The following NTF3 variants were observed in gnomAD, a reference collection of about 807,000 sequenced individuals.
The protein encoded by NTF3 is neurotrophin-3.
NTF3 carries 8 observed loss-of-function variants against 26.3 expected under a neutral mutation model. The ratio of observed to expected loss-of-function variants is 0.30; its 90% CI spans 0.18 to 0.55. NTF3 has a LOEUF of 0.55. Ranked by LOEUF, NTF3 falls within the 20% of genes least tolerant of loss-of-function variation. The pLI, the probability that NTF3 is intolerant of heterozygous loss-of-function variation, is 0.93. For synonymous variants in NTF3, 154 were observed against 145.5 expected, an observed-to-expected ratio of 1.06 and a Z score of -0.42; for missense variants, 276 against 352.9, an observed-to-expected ratio of 0.78 and a Z score of 1.75.
At chr12:5,464,845 G>C (rs10849274) in intron 1 of NTF3, among the ~76,000 whole-genome samples, 2 of 152,016 alleles carry the variant, frequency 1.3e-5, no homozygotes, top group South Asian at 2.1e-4. Context: ...CCAGGGTTGG[G>C]GGGTAGAGAT....
upstream of NTF3, among the ~76,000 whole-genome samples, chr12:5,430,759 A>T (rs1591586487): frequency 6.6e-6 from 1 of 150,960 alleles, no homozygotes; most frequent in South Asian, 2.1e-4. Context: ...CTTATTAGAC[A>T]CCTCGAACGA....
rs1015755087 is a variant in NTF3 at position 5,433,823 on chromosome 12, A to T, written c.18+1481A>T. ...AGACTGTGCGCCTGTGGACTTGTTT[A>T]TGTGTGTGAAGAGGCGGGGGCGAGG... On this transcript the variant is annotated intron_variant, in intron 1 of 1. Transcript: ENST00000423158. This position sits in a 1 kb window ranked among gnomAD's most constrained non-coding sequence, Gnocchi z 4.6. Among the ~76,000 whole-genome samples the T allele has an allele frequency of 6.8e-6, 1 of 147,634 alleles. No individual in the cohort carries two copies. Among genetic ancestry groups the T allele is most frequent in the Non-Finnish European group, 1.5e-5 (1 of 66,978 alleles).
chr12:5,477,367 A>C (rs1940737941), intron 1 of NTF3, among the ~76,000 whole-genome samples: 1 of 152,252 alleles, frequency 6.6e-6, no homozygotes, highest in South Asian at 2.1e-4. Context: ...GAAAACCCAG[A>C]GTCGTTTCTT....
chr12:5,439,195 G>GGAT (rs1212322706), intron 1 of NTF3, among the ~76,000 whole-genome samples: 3 of 152,120 alleles, frequency 2.0e-5, no homozygotes, highest in Non-Finnish European at 4.4e-5. Context: ...TTAAGATGAT[G>GGAT]GATGATGATG....
At chr12:5,450,590 T>C (rs556075393) in intron 1 of NTF3, among the ~76,000 whole-genome samples, 310 of 152,326 alleles carry the variant, frequency 2.0e-3, no homozygotes, top group Non-Finnish European at 2.7e-3. Flanking sequence ...TTTGGCCTTC[T>C]TCATCTCAAA....
chr12:5,445,941 C>T (rs1335817982), intron 1 of NTF3, among the ~76,000 whole-genome samples: 1 of 152,170 alleles, frequency 6.6e-6, no homozygotes, highest in Admixed American at 6.5e-5. Context: ...GAGGATAAGA[C>T]AGGTTCTTAG....
At chr12:5,432,098 T>C (rs186403623), upstream of NTF3, 1,424 of 604,296 alleles carry the variant, frequency 2.4e-3, 8 homozygotes, top group Middle Eastern at 3.4e-3. Flanking sequence ...GCGCAGATTC[T>C]GTTCACGGGA....
In NTF3 at chr12:5,494,444, C is replaced by T; in HGVS notation, c.269C>T (p.Pro90Leu). ...CCCCGAGAGCCGGAGCGGGGAGGGC[C>T]CGCCAAGTCAGCATTCCAGCCGGTG... The part of the protein sequence containing the change: ...EAPREPERGG[P>L]AKSAFQPVIA... Residue 90 changes from proline to leucine, a missense_variant, in exon 2 of 2, where the codon CCC (proline) becomes CTC (leucine). This residue lies in a region of NTF3 where 221 missense variants were observed against 258.2 expected (regional missense o/e 0.86). Coordinates refer to ENST00000423158, the MANE Select transcript of NTF3 (RefSeq NM_001102654.2). The surrounding 1 kb of genome is among the most constrained non-coding windows in gnomAD (Gnocchi z 8.3). 1 of 1,613,548 alleles carries T rather than the reference C, an allele frequency of 6.2e-7. No homozygotes were observed. The highest frequency in any genetic ancestry group is 8.5e-7 in the Non-Finnish European group (1 of 1,180,010).
chr12:5,430,423 G>A (rs1173906538), upstream of NTF3, among the ~76,000 whole-genome samples: 2 of 151,950 alleles, frequency 1.3e-5, no homozygotes, highest in African/African-American at 2.4e-5. Flanking sequence ...ATTTTGGCAC[G>A]AGGGGAGCCA....
At chr12:5,453,648 A>T (rs905157487) in intron 1 of NTF3, among the ~76,000 whole-genome samples, 1 of 152,014 alleles carries the variant, frequency 6.6e-6, no homozygotes, top group African/African-American at 2.4e-5. Context: ...TAGTGAGAGG[A>T]TTTTCTTCTC....
chr12:5,463,769 G>A (rs1940552372), intron 1 of NTF3, among the ~76,000 whole-genome samples: 1 of 152,124 alleles, frequency 6.6e-6, no homozygotes, highest in African/African-American at 2.4e-5. Flanking sequence ...CTGCATAGAT[G>A]GTTCAGCCTT....
chr12:5,431,389 G>A (rs1017016467), upstream of NTF3, among the ~76,000 whole-genome samples: 8 of 152,164 alleles, frequency 5.3e-5, no homozygotes, highest in African/African-American at 1.7e-4. Context: ...AAACACGCGC[G>A]CGCACACACA....
Position 5,440,267 on chromosome 12 carries a change from G to A in NTF3, c.18+7925G>A, listed in dbSNP as rs185516350. Reference sequence around the variant, plus strand: ...TAGACCATAGGTACTCAAAAATTATGTATTTACTTTGCTTAAAATAACCTT... The same window carrying A: ...TAGACCATAGGTACTCAAAAATTATATATTTACTTTGCTTAAAATAACCTT... On this transcript the variant is annotated intron_variant, in intron 1 of 1. Transcript: ENST00000423158. Among the ~76,000 whole-genome samples the A allele has an allele frequency of 3.3e-5, 5 of 152,268 alleles. No homozygotes were observed. In the East Asian group the frequency reaches 9.6e-4, roughly 29 times the overall value.
rs1453644947 is a variant in NTF3 at position 5,491,812 on chromosome 12, C to T, written c.19-2382C>T. On this transcript the variant is annotated intron_variant, in intron 1 of 1. Coordinates refer to ENST00000423158, the MANE Select transcript of NTF3 (RefSeq NM_001102654.2). The stretch of plus-strand genomic sequence containing the variant: ...TTGGCTCACTGTAAGCTCCGCCTCC[C>T]GGGTTCACACCATTCTCCTGCCTCA... Among the ~76,000 whole-genome samples the T allele has an allele frequency of 4.0e-5, 6 of 151,156 alleles. No homozygotes were observed. The East Asian group carries it at 9.8e-4, about 25-fold the overall frequency.
In NTF3 at chr12:5,432,266, G is replaced by C; in HGVS notation, c.-59G>C. On this transcript the variant is annotated 5_prime_UTR_variant, in exon 1 of 2. Coordinates refer to ENST00000423158, the MANE Select transcript of NTF3 (RefSeq NM_001102654.2). ...GGGGTGGGGGAGACTTTGAATGACC[G>C]AGCTCGCGTCCACCTTTCTCTTCAT... The C allele has an allele frequency of 6.2e-7, 1 of 1,603,398 alleles. No homozygotes were observed. Among genetic ancestry groups the C allele is most frequent in the South Asian group, 1.1e-5 (1 of 90,802 alleles).
At chr12:5,438,147 T>G (rs1940194993) in intron 1 of NTF3, among the ~76,000 whole-genome samples, 1 of 150,670 alleles carries the variant, frequency 6.6e-6, no homozygotes, top group South Asian at 2.1e-4. Context: ...CTAACAAGAT[T>G]GAGGCTGGAC....
chr12:5,461,613 C>T (rs1240751039), intron 1 of NTF3, among the ~76,000 whole-genome samples: 1 of 152,042 alleles, frequency 6.6e-6, no homozygotes, highest in Admixed American at 6.6e-5. Context: ...CCGCCATGTC[C>T]TCATACACCT....
intron 1 of NTF3, among the ~76,000 whole-genome samples, chr12:5,493,120 T>A (rs1940959243): frequency 6.6e-6 from 1 of 152,106 alleles, no homozygotes; most frequent in Non-Finnish European, 1.5e-5. Context: ...ACCTGGAGCA[T>A]CTCCTTCCAG....
chr12:5,493,316 G>A (rs1445804223), intron 1 of NTF3, among the ~76,000 whole-genome samples: 6 of 152,234 alleles, frequency 3.9e-5, no homozygotes, highest in Non-Finnish European at 8.8e-5. Context: ...AGTAGAATTA[G>A]AAGAAGCATA....
Sources: allele counts gnomAD v4.1 joint callset (sites outside exome capture counted in the v4.1 genomes callset), GRCh38; gene constraint gnomAD v4.1.1; regional missense constraint gnomAD v4.1.1; non-coding constraint Gnocchi (gnomAD v3.1); transcripts MANE v1.5; gene names NCBI Gene and HGNC (gene_info 2026-07-23, HGNC 2026-07-21).